ATAD5: variants seen among roughly 807,000 people sequenced by gnomAD.
ATAD5 encodes the protein ATPase family AAA domain-containing protein 5.
Under a neutral mutation model 176.9 loss-of-function variants are expected in ATAD5, and 58 were observed. The ratio of observed to expected loss-of-function variants is 0.33; its 90% CI spans 0.27 to 0.41. The LOEUF is 0.41. ATAD5 is among the 10% of genes least tolerant of loss of function. The pLI is 1.00. For missense variants in ATAD5, 1,789 were observed against 2,094.1 expected (o/e 0.85, Z 2.84); for synonymous variants, 640 against 712.6 (o/e 0.90, Z 1.62).
Position 30,895,310 on chromosome 17 carries a change from T to A in ATAD5, c.*397T>A, listed in dbSNP as rs558753318. On this transcript the variant is annotated 3_prime_UTR_variant, in exon 23 of 23. Transcript: ENST00000321990. The stretch of plus-strand genomic sequence containing the variant: ...GGTATACAATCTCCCACTGCTAAAT[T>A]TGACTGGCTTTACAAAAACAAAAAC... 1 of 154,238 alleles carries A rather than the reference T, an allele frequency of 6.5e-6. No individual in the cohort carries two copies. Among genetic ancestry groups the A allele is most frequent in the East Asian group, 1.9e-4 (1 of 5,294 alleles). The allele number at this position is 154,238 out of a possible 1,614,324, so 9.6% of individuals were successfully genotyped here.
At position 30,834,769 on chromosome 17, in the gene ATAD5, A is replaced by T; in HGVS notation, c.688A>T (p.Lys230Ter). 6.2e-7 allele frequency: 1 copy of T among 1,614,064 alleles called. No individual in the cohort carries two copies. The highest frequency in any genetic ancestry group is 8.5e-7 in the Non-Finnish European group (1 of 1,179,948). ...CTTGGCAGAGGAACTAAATTTGCTT[A>T]AAAAAGATGGTAAAGATACTAAACA... ...LPLAEELNLL[K>*]KDGKDTKQME... Residue 230 changes from lysine to a stop codon, truncating the protein, a stop_gained, in exon 2 of 23, where the codon AAA becomes TAA. Transcript: ENST00000321990. LOFTEE classifies it high-confidence loss of function.
rs1397209737 is a variant in ATAD5, at chr17:30,836,024, C to T, written c.1943C>T (p.Pro648Leu). 5.0e-6 allele frequency: 8 copies of T among 1,603,382 alleles called. No individual in the cohort carries two copies. Among genetic ancestry groups the T allele is most frequent in the South Asian group, 1.1e-5 (1 of 89,024 alleles). The change falls in exon 2 of 23, where the codon CCC becomes CTC. Residue 648 changes from proline (P) to leucine (L), a missense_variant. Coordinates refer to ENST00000321990, the MANE Select transcript of ATAD5 (RefSeq NM_024857.5). ...TATACAGCAGAATTAATAACAGTAC[C>T]CTTTGATTCAGAGAGCCCTATTAGG... Reference protein sequence around the residue: ...SLYTAELITVPFDSESPIRMK... With the variant: ...SLYTAELITVLFDSESPIRMK...
In ATAD5 at chr17:30,887,358, C is replaced by T; in HGVS notation, c.4244C>T (p.Pro1415Leu). The part of the protein sequence containing the change: ...RSGGGVLEER[P>L]LTLYRGNSRN... ...GGAGGTGGAGTTTTAGAAGAACGAC[C>T]ATTAACCCTTTATCGTAAGTTGATT... The change falls in exon 19 of 23, where the codon CCA (proline) becomes CTA (leucine). Residue 1415 changes from proline (P) to leucine (L), a missense_variant. Around this residue, in one of 6 missense-constraint regions of ATAD5, gnomAD observed 403 missense variants for 495.1 expected, o/e 0.81. Transcript: ENST00000321990. The T allele has an allele frequency of 6.3e-7, 1 of 1,597,484 alleles. No individual in the cohort carries two copies. Among genetic ancestry groups the T allele is most frequent in the Non-Finnish European group, 8.5e-7 (1 of 1,175,080 alleles).
At position 30,894,127 on chromosome 17, in the gene ATAD5, T is replaced by C. The variant is rs145492347; in HGVS notation, c.5274T>C (p.Phe1758=). ...YVSQKRNNVY[F]SQSAANLDNA... is the part of the protein sequence containing the mutation. The stretch of plus-strand genomic sequence containing the variant: ...CACAAAAGCGCAATAATGTATACTT[T>C]AGTCAGTCAGCAGCTAATTTAGAGT... The change falls in exon 21 of 23, where the codon TTT becomes TTC. Residue 1758 remains phenylalanine, a synonymous_variant. Coordinates refer to ENST00000321990, the MANE Select transcript of ATAD5 (RefSeq NM_024857.5). 1.8e-5 allele frequency: 29 copies of C among 1,568,104 alleles called. No homozygotes were observed. The highest frequency in any genetic ancestry group is 8.2e-5 in the African/African-American group (6 of 73,102).
chr17:30,842,984 C>T (rs911580532), intron 4 of ATAD5, among the ~76,000 whole-genome samples: 2 of 151,946 alleles, frequency 1.3e-5, no homozygotes, highest in Non-Finnish European at 2.9e-5. Context: ...CTCAGGTAAT[C>T]CCCCCTGCCT....
chr17:30,868,427 T>C lies in ATAD5; in HGVS notation c.3313+15T>C, dbSNP rs1908125545. On this transcript the variant is annotated intron_variant, in intron 12 of 22. Transcript: ENST00000321990. ...GAAACATGAAGGTATTTTGTGTGTC[T>C]TTTTTTTTTTTTTTACCATTTCACT... 6.0e-6 allele frequency: 1 copy of C among 166,096 alleles called. No homozygotes were observed. Among genetic ancestry groups the C allele is most frequent in the Non-Finnish European group, 1.0e-5 (1 of 97,982 alleles). 10.3% of individuals were successfully genotyped at this position (166,096 alleles called of 1,614,324 possible).
chr17:30,880,942 C>T (rs1908975692), intron 18 of ATAD5, among the ~76,000 whole-genome samples: 1 of 151,842 alleles, frequency 6.6e-6, no homozygotes, highest in Non-Finnish European at 1.5e-5. Flanking sequence ...TCCTAAAGTT[C>T]TCATGGACCC....
intron 14 of ATAD5, 84 bp from the exon 15 acceptor site, chr17:30,876,290 A>G (rs1056581373): frequency 4.9e-6 from 6 of 1,227,732 alleles, no homozygotes; most frequent in Non-Finnish European, 6.6e-6. Flanking sequence ...TGTTAAGAGT[A>G]GAAATACAGA....
intron 11 of ATAD5, among the ~76,000 whole-genome samples, chr17:30,867,056 C>CTTT (rs60477859): frequency 0.019 from 2,646 of 142,890 alleles, 97 homozygotes; most frequent in African/African-American, 0.064. Context: ...TTCCTTCTTT[C>CTTT]TTTTTTTTTT....
chr17:30,880,035 C>G (rs143287791), intron 18 of ATAD5, among the ~76,000 whole-genome samples: 2 of 151,638 alleles, frequency 1.3e-5, no homozygotes, highest in Non-Finnish European at 2.9e-5. Flanking sequence ...GGCACAGTTG[C>G]TCATGCCTGT....
At position 30,834,292 on chromosome 17, in the gene ATAD5, C is replaced by G; in HGVS notation, c.211C>G (p.Pro71Ala). ...TCTGGATTATTTTAGAAAGACTTCA[C>G]CCACAAATGAGAAGACACAATTAGG... is the stretch of plus-strand genomic sequence containing the variant. Reference protein sequence around the residue: ...NILDYFRKTSPTNEKTQLGKE... With the variant: ...NILDYFRKTSATNEKTQLGKE... Residue 71 changes from proline to alanine, a missense_variant, in exon 2 of 23, where the codon CCC becomes GCC. Pro to Ala is a conservative substitution (Grantham distance 27). Transcript: ENST00000321990. 6.2e-7 allele frequency: 1 copy of G among 1,613,458 alleles called. No individual in the cohort carries two copies. The highest frequency in any genetic ancestry group is 1.1e-5 in the South Asian group (1 of 90,882).
chr17:30,832,028 C>T lies in ATAD5; in HGVS notation c.-320C>T, dbSNP rs1377714384. ...TCCCTCCGAAGCTCTGTGGTCCGAT[C>T]TGCGGTCCGCTTGCTTTCCCTGCCC... is the stretch of plus-strand genomic sequence containing the variant. On this transcript the variant is annotated 5_prime_UTR_variant, in exon 1 of 23. Coordinates refer to ENST00000321990, the MANE Select transcript of ATAD5 (RefSeq NM_024857.5). The T allele has an allele frequency of 5.4e-6, 2 of 372,460 alleles. No individual in the cohort carries two copies. The highest frequency in any genetic ancestry group is 9.5e-6 in the Non-Finnish European group (2 of 209,912). 23.1% of individuals were successfully genotyped at this position (372,460 alleles called of 1,614,324 possible).
chr17:30,870,484 C>T (rs1327309939), intron 14 of ATAD5, among the ~76,000 whole-genome samples: 2 of 152,202 alleles, frequency 1.3e-5, no homozygotes, highest in African/African-American at 4.8e-5. Context: ...CATACATATA[C>T]AGGTGGCCTG....
At chr17:30,892,467 T>G (rs1909690873) in intron 19 of ATAD5, 140 bp from the exon 20 acceptor site, 2 of 451,194 alleles carry the variant, frequency 4.4e-6, no homozygotes, top group Non-Finnish European at 7.6e-6. Flanking sequence ...TATTGTACTC[T>G]TAATGAATTA....
chr17:30,854,281 C>T (rs1294080371), intron 6 of ATAD5, among the ~76,000 whole-genome samples: 1 of 145,180 alleles, frequency 6.9e-6, no homozygotes, highest in African/African-American at 2.5e-5. Context: ...TATTAATTAC[C>T]TAATATATAT....
At chr17:30,870,585 A>G (rs768619360) in intron 14 of ATAD5, among the ~76,000 whole-genome samples, 120 of 152,302 alleles carry the variant, frequency 7.9e-4, no homozygotes, top group Non-Finnish European at 1.4e-3. Context: ...TTAGAATTTT[A>G]AAAGGAAGCA....
Position 30,834,288 on chromosome 17 carries a change from T to C in ATAD5, c.207T>C (p.Thr69=), listed in dbSNP as rs753704406. The C allele has an allele frequency of 1.2e-6, 2 of 1,613,528 alleles. No individual in the cohort carries two copies. The highest frequency in any genetic ancestry group is 2.7e-5 in the African/African-American group (2 of 74,892). Residue 69 remains threonine, a synonymous_variant, in exon 2 of 23, where the codon ACT becomes ACC. Coordinates refer to ENST00000321990, the MANE Select transcript of ATAD5 (RefSeq NM_024857.5). ...ATATTCTGGATTATTTTAGAAAGAC[T>C]TCACCCACAAATGAGAAGACACAAT... ...PSNILDYFRK[T]SPTNEKTQLG...
At chr17:30,894,354 T>G (rs538637782) in intron 21 of ATAD5, among the ~76,000 whole-genome samples, 1 of 152,222 alleles carries the variant, frequency 6.6e-6, no homozygotes, top group African/African-American at 2.4e-5. Context: ...TGGATTTAGG[T>G]AATGCTTGAA....
At chr17:30,876,284 A>C (rs989136057) in intron 14 of ATAD5, 90 bp from the exon 15 acceptor site, 7 of 1,141,892 alleles carry the variant, frequency 6.1e-6, no homozygotes, top group Non-Finnish European at 7.2e-6. Context: ...TTTAACTGTT[A>C]AGAGTAGAAA....
Sources: allele counts gnomAD v4.1 joint callset (sites outside exome capture counted in the v4.1 genomes callset), GRCh38; gene constraint gnomAD v4.1.1; regional missense constraint gnomAD v4.1.1; transcripts MANE v1.5; gene names NCBI Gene and HGNC (gene_info 2026-07-23, HGNC 2026-07-21).